The following NEGR1 variants were observed in gnomAD, a reference collection of about 807,000 sequenced individuals.
NEGR1 encodes the protein neuronal growth regulator 1.
A neutral mutation model predicts 40.9 loss-of-function variants in NEGR1; 10 were observed. The observed-to-expected ratio is 0.24, with a 90% CI of 0.15 to 0.42. NEGR1 has a LOEUF of 0.42. Among genes scored for constraint, NEGR1 ranks in the 10% least tolerant of loss-of-function variants. The probability of loss-of-function intolerance (pLI) is 1.00; values close to 1 mark genes in which losing one functional copy is unlikely to be tolerated. For synonymous variants in NEGR1, 185 were observed against 166.8 expected (o/e 1.11, Z -0.84); for missense variants, 352 against 438.9 (o/e 0.80, Z 1.77).
chr1:71,612,456 A>T (rs747615624), intron 4 of NEGR1, among the ~76,000 whole-genome samples: 3 of 152,104 alleles, frequency 2.0e-5, no homozygotes, highest in Non-Finnish European at 2.9e-5. Context: ...AACATGTGCC[A>T]GGCATTTCTC....
At chr1:71,740,131 A>G (rs1655170451) in intron 3 of NEGR1, among the ~76,000 whole-genome samples, 1 of 152,184 alleles carries the variant, frequency 6.6e-6, no homozygotes, top group African/African-American at 2.4e-5. Flanking sequence ...TATGGAATTT[A>G]TATCATTCAG....
rs542094270 is a variant in NEGR1 at position 71,535,336 on chromosome 1, T to G, written c.940+57481A>C. Among the ~76,000 whole-genome samples, 4 of 151,756 alleles carry G rather than the reference T, an allele frequency of 2.6e-5. No individual in the cohort carries two copies. In the South Asian group the frequency reaches 8.3e-4, roughly 31 times the overall value. Reference sequence around the variant, plus strand: ...AAGACGGGTGGCATACAACTACAACTTCATCTCAATAAAAGGATAGTAGAA... The same window carrying G: ...AAGACGGGTGGCATACAACTACAACGTCATCTCAATAAAAGGATAGTAGAA... On this transcript the variant is annotated intron_variant, in intron 6 of 6. Transcript: ENST00000357731.
At chr1:71,809,081 T>G (rs1657887100) in intron 2 of NEGR1, among the ~76,000 whole-genome samples, 1 of 152,172 alleles carries the variant, frequency 6.6e-6, no homozygotes. Context: ...TATCTCCATG[T>G]GTGAAAAGCA....
intron 2 of NEGR1, among the ~76,000 whole-genome samples, chr1:71,860,127 A>C (rs1659900299): frequency 6.6e-6 from 1 of 151,906 alleles, no homozygotes; most frequent in Non-Finnish European, 1.5e-5. Flanking sequence ...CAAATGCACC[A>C]AGAAGCTCAT....
chr1:71,773,045 A>C (rs1165519915), intron 3 of NEGR1, among the ~76,000 whole-genome samples: 1 of 152,104 alleles, frequency 6.6e-6, no homozygotes, highest in Non-Finnish European at 1.5e-5. Flanking sequence ...TTTTTGGTGA[A>C]AGTATAGTTG....
At chr1:72,034,556 T>C (rs1646886090) in intron 1 of NEGR1, among the ~76,000 whole-genome samples, 1 of 152,126 alleles carries the variant, frequency 6.6e-6, no homozygotes, top group Non-Finnish European at 1.5e-5. Flanking sequence ...GAATGCCAAA[T>C]AGATAAAGCA....
At chr1:72,097,741 C>T (rs1246536741) in intron 1 of NEGR1, among the ~76,000 whole-genome samples, 5 of 152,096 alleles carry the variant, frequency 3.3e-5, no homozygotes, top group East Asian at 1.9e-4. Context: ...ACTGACAATG[C>T]CTTGGCTGAG....
At chr1:72,202,208 C>T (rs116548588) in intron 1 of NEGR1, among the ~76,000 whole-genome samples, 1,966 of 151,950 alleles carry the variant, frequency 0.013, 43 homozygotes, top group African/African-American at 0.045. Context: ...AAAACTTAAT[C>T]GATAAATGAT....
intron 1 of NEGR1, among the ~76,000 whole-genome samples, chr1:72,185,836 T>C (rs947651653): frequency 1.3e-5 from 2 of 151,772 alleles, no homozygotes; most frequent in Admixed American, 1.3e-4. Context: ...CCGCACCCAA[T>C]GCAAATAAGA....
rs1428936905 is a variant in NEGR1, at chr1:71,688,391, A to ATAT, written c.667+9616_667+9617insATA. On this transcript the variant is annotated intron_variant, in intron 4 of 6. Coordinates refer to ENST00000357731, the MANE Select transcript of NEGR1 (RefSeq NM_173808.3). The stretch of plus-strand genomic sequence containing the variant: ...TGAGATATATACATAAAAGATATAT[A>ATAT]AAATATATATATAAGATATATATAA... Among the ~76,000 whole-genome samples the ATAT allele has an allele frequency of 2.2e-3, 59 of 26,894 alleles. 3 individuals are homozygous for ATAT. The highest frequency in any genetic ancestry group is 6.8e-3 in the South Asian group (5 of 730). The allele number at this position is 26,894 out of a possible 152,430, so 17.6% of individuals were successfully genotyped here.
At chr1:72,066,138 T>C (rs753693525) in intron 1 of NEGR1, among the ~76,000 whole-genome samples, 29 of 152,168 alleles carry the variant, frequency 1.9e-4, no homozygotes, top group Non-Finnish European at 5.9e-5. Context: ...TTCCAATATG[T>C]CATGAATTGC....
At chr1:72,154,879 G>A (rs1651302200) in intron 1 of NEGR1, among the ~76,000 whole-genome samples, 1 of 151,868 alleles carries the variant, frequency 6.6e-6, no homozygotes, top group Non-Finnish European at 1.5e-5. Flanking sequence ...GATAAAAGAT[G>A]AGACTATCAT....
chr1:72,280,698 TA>T (rs1656213395), intron 1 of NEGR1, among the ~76,000 whole-genome samples: 1 of 152,182 alleles, frequency 6.6e-6, no homozygotes, highest in Non-Finnish European at 1.5e-5. Context: ...TAGTGTATAT[TA>T]AAAAATACGA....
intron 1 of NEGR1, among the ~76,000 whole-genome samples, chr1:72,143,905 GAT>G (rs1453115511): frequency 2.7e-5 from 2 of 72,922 alleles, no homozygotes; most frequent in Non-Finnish European, 5.3e-5. Flanking sequence ...TTATATATAT[GAT>G]ATATATAATA....
chr1:72,213,246 A>G (rs116425475), intron 1 of NEGR1, among the ~76,000 whole-genome samples: 1,967 of 152,038 alleles, frequency 0.013, 44 homozygotes, highest in African/African-American at 0.045. Context: ...GCAGATACGA[A>G]TGAGGATTAA....
chr1:71,756,863 G>T (rs140516319), intron 3 of NEGR1, among the ~76,000 whole-genome samples: 1 of 151,314 alleles, frequency 6.6e-6, no homozygotes, highest in East Asian at 1.9e-4. Flanking sequence ...AAAAAACCTG[G>T]CTAACAGGAA....
chr1:71,897,252 T>C (rs1180195410), intron 2 of NEGR1, among the ~76,000 whole-genome samples: 2 of 152,176 alleles, frequency 1.3e-5, no homozygotes, highest in Non-Finnish European at 2.9e-5. Flanking sequence ...ATTCTCTCCA[T>C]TTCCCGACAT....
At chr1:71,507,044 T>C (rs1483600231) in intron 6 of NEGR1, among the ~76,000 whole-genome samples, 3 of 152,050 alleles carry the variant, frequency 2.0e-5, no homozygotes, top group Non-Finnish European at 4.4e-5. Flanking sequence ...GTCTAATAAA[T>C]AGGAGGGGAA....
chr1:71,941,299 G>A (rs1466476633), intron 1 of NEGR1, among the ~76,000 whole-genome samples: 1 of 151,944 alleles, frequency 6.6e-6, no homozygotes, highest in Non-Finnish European at 1.5e-5. Context: ...AGATTATATG[G>A]AAGAGAACAG....
Sources: allele counts gnomAD v4.1 joint callset (sites outside exome capture counted in the v4.1 genomes callset), GRCh38; gene constraint gnomAD v4.1.1; transcripts MANE v1.5; gene names NCBI Gene and HGNC (gene_info 2026-07-23, HGNC 2026-07-21).